Variants in PLD5 observed in about 807,000 individuals in gnomAD.
PLD5 encodes the protein inactive phospholipase D5.
In PLD5, 36 loss-of-function variants were observed where a neutral mutation model predicts 61.1. That is an observed-to-expected ratio of 0.59 (90% CI 0.45 to 0.78). The LOEUF (loss-of-function observed/expected upper bound fraction) is 0.78, where lower values mean the gene tolerates loss of function less well. Among genes scored for constraint, PLD5 ranks in the 30% least tolerant of loss-of-function variants. The pLI is 0.00. For synonymous variants in PLD5, 243 were observed against 242.8 expected, an observed-to-expected ratio of 1.00 and a Z score of -0.01; for missense variants, 515 against 644.4, an observed-to-expected ratio of 0.80 and a Z score of 2.17.
intron 1 of PLD5, chr1:242,377,195 G>C: frequency 6.2e-7 from 1 of 1,611,612 alleles, no homozygotes; most frequent in Non-Finnish European, 8.5e-7. Context: ...GAGACGTGTA[G>C]CAGAGGCCAC....
At chr1:242,382,172 G>A (rs1662331372) in intron 1 of PLD5, among the ~76,000 whole-genome samples, 1 of 148,566 alleles carries the variant, frequency 6.7e-6, no homozygotes, top group African/African-American at 2.5e-5. Flanking sequence ...AAGAGGTTTG[G>A]AATGAGGTGA....
intron 1 of PLD5, among the ~76,000 whole-genome samples, chr1:242,507,608 C>G (rs1454730117): frequency 6.6e-6 from 1 of 152,230 alleles, no homozygotes; most frequent in Non-Finnish European, 1.5e-5. Flanking sequence ...ATATCCTACT[C>G]AAACTGGACA....
At chr1:242,115,663 A>AAAAAAAAAAAAATC (rs1661889099) in intron 6 of PLD5, among the ~76,000 whole-genome samples, 2 of 131,478 alleles carry the variant, frequency 1.5e-5, no homozygotes, top group African/African-American at 3.2e-5. Context: ...ATCTAAAAAA[A>AAAAAAAAAAAAATC]AAAAAATCTT....
intron 1 of PLD5, among the ~76,000 whole-genome samples, chr1:242,465,459 G>T (rs1667246026): frequency 6.6e-6 from 1 of 152,162 alleles, no homozygotes; most frequent in Non-Finnish European, 1.5e-5. Context: ...CTCTGCAATG[G>T]CTTCCCATTT....
At chr1:242,117,159 G>T (rs183143798) in intron 6 of PLD5, among the ~76,000 whole-genome samples, 37 of 152,240 alleles carry the variant, frequency 2.4e-4, no homozygotes, top group Admixed American at 2.0e-3. Flanking sequence ...ATTGGGAGGG[G>T]TGTATCCATG....
At chr1:242,113,171 A>C (rs570962294) in intron 7 of PLD5, among the ~76,000 whole-genome samples, 1 of 144,472 alleles carries the variant, frequency 6.9e-6, no homozygotes, top group East Asian at 2.0e-4. Flanking sequence ...CTCACTGCAA[A>C]CTCCGCCTCC....
chr1:242,126,953 T>C (rs1662834075), intron 5 of PLD5, among the ~76,000 whole-genome samples: 1 of 151,248 alleles, frequency 6.6e-6, no homozygotes, highest in Non-Finnish European at 1.5e-5. Flanking sequence ...TGAACTCAAA[T>C]TAGCAAGAAA....
chr1:242,407,610 T>C (rs1326582957), intron 1 of PLD5, among the ~76,000 whole-genome samples: 4 of 151,286 alleles, frequency 2.6e-5, no homozygotes, highest in African/African-American at 9.7e-5. Flanking sequence ...CACCCAGTTT[T>C]GCTCTGTCAC....
At chr1:242,242,258 T>C (rs1672106869) in intron 4 of PLD5, among the ~76,000 whole-genome samples, 1 of 152,026 alleles carries the variant, frequency 6.6e-6, no homozygotes, top group African/African-American at 2.4e-5. Context: ...CTGTCTCATT[T>C]CATCATGATA....
chr1:242,114,799 A>C (rs1661812700), intron 6 of PLD5, among the ~76,000 whole-genome samples: 1 of 152,188 alleles, frequency 6.6e-6, no homozygotes, highest in Non-Finnish European at 1.5e-5. Context: ...AGTTGCACAA[A>C]AAGAAGCTCA....
intron 1 of PLD5, among the ~76,000 whole-genome samples, chr1:242,409,782 T>C (rs1019363616): frequency 1.3e-5 from 2 of 152,130 alleles, no homozygotes; most frequent in Non-Finnish European, 2.9e-5. Flanking sequence ...CCTTTTAATA[T>C]GTAAAGGAAG....
chr1:242,165,878 A>C (rs1325497158), intron 5 of PLD5, among the ~76,000 whole-genome samples: 1 of 152,148 alleles, frequency 6.6e-6, no homozygotes, highest in African/African-American at 2.4e-5. Context: ...CTGGGAACTT[A>C]AAGTGACACA....
chr1:242,339,808 C>T (rs1659731360), intron 2 of PLD5, among the ~76,000 whole-genome samples: 1 of 152,122 alleles, frequency 6.6e-6, no homozygotes, highest in African/African-American at 2.4e-5. Flanking sequence ...GAAGGAGTTA[C>T]ATCAGGTGGA....
At chr1:242,194,626 C>T (rs59970620) in intron 5 of PLD5, among the ~76,000 whole-genome samples, 1 of 83,718 alleles carries the variant, frequency 1.2e-5, no homozygotes, top group Non-Finnish European at 2.6e-5. Context: ...ATGTATCTAT[C>T]TATCTATCTA....
chr1:242,089,600 G>T lies in PLD5; in HGVS notation c.*254C>A, dbSNP rs1659652654. ...AGCAGGAATGAAAGTCTTAAAATTT[G>T]TATGCAAACGTAAAAACTAACTTCT... On this transcript the variant is annotated 3_prime_UTR_variant, in exon 10 of 10. Transcript: ENST00000536534. The T allele has an allele frequency of 5.4e-6, 3 of 551,748 alleles. No homozygotes were observed. The highest frequency in any genetic ancestry group is 4.8e-4 in the Middle Eastern group (1 of 2,074). The allele number at this position is 551,748 out of a possible 1,614,324, so 34.2% of individuals were successfully genotyped here.
intron 1 of PLD5, among the ~76,000 whole-genome samples, chr1:242,454,295 G>A (rs1446244051): frequency 6.7e-6 from 1 of 148,944 alleles, no homozygotes; most frequent in African/African-American, 2.5e-5. Flanking sequence ...ATCATGCATT[G>A]CACTCTAGCC....
intron 1 of PLD5, among the ~76,000 whole-genome samples, chr1:242,499,329 A>C (rs1668477494): frequency 6.6e-6 from 1 of 152,208 alleles, no homozygotes; most frequent in Non-Finnish European, 1.5e-5. Flanking sequence ...CAGAAAGAAT[A>C]ATAATTGCAG....
chr1:242,520,665 G>T (rs770412393), intron 1 of PLD5, among the ~76,000 whole-genome samples: 1 of 152,166 alleles, frequency 6.6e-6, no homozygotes, highest in African/African-American at 2.4e-5. Context: ...AAAGTAGAGT[G>T]GGCTTTGCAT....
At chr1:242,307,924 G>A (rs2494892) in intron 2 of PLD5, among the ~76,000 whole-genome samples, 109,137 of 151,458 alleles carry the variant, frequency 0.72, 39,749 homozygotes, top group Admixed American at 0.78. Context: ...CAAGGCTCCA[G>A]GGGATATAAT....
Sources: gnomAD v4.1 joint callset for allele counts (sites outside exome capture counted in the v4.1 genomes callset) on GRCh38, gnomAD v4.1.1 for gene constraint, MANE v1.5 for transcripts, NCBI Gene and HGNC (gene_info 2026-07-23, HGNC 2026-07-21) for gene names.